Variants in HAUS5 observed in about 807,000 individuals in gnomAD.
HAUS5 encodes the protein HAUS augmin-like complex subunit 5.
In HAUS5, 67 loss-of-function variants were observed where a neutral mutation model predicts 94.1. The ratio of observed to expected loss-of-function variants is 0.71; its 90% CI spans 0.58 to 0.87. The LOEUF (loss-of-function observed/expected upper bound fraction) is 0.87, where lower values mean the gene tolerates loss of function less well. HAUS5 is among the 40% of genes least tolerant of loss of function. HAUS5 has a pLI of 0.00. For missense variants in HAUS5, 739 were observed against 825.6 expected (o/e 0.90, Z 1.29); for synonymous variants, 339 against 355.4 (o/e 0.95, Z 0.52).
At chr19:35,615,933 T>C (rs2146335902) in intron 6 of HAUS5, among the ~76,000 whole-genome samples, 1 of 151,350 alleles carries the variant, frequency 6.6e-6, no homozygotes, top group South Asian at 2.1e-4. Flanking sequence ...CCTGAGGAGG[T>C]GAGGTCGAAG....
chr19:35,621,181 G>C (rs576835396), intron 17 of HAUS5, among the ~76,000 whole-genome samples: 5 of 152,178 alleles, frequency 3.3e-5, no homozygotes, highest in Non-Finnish European at 7.4e-5. Context: ...TGGAGGAAGA[G>C]ACTGTTCAAG....
intron 12 of HAUS5, 82 bp downstream of exon 12, chr19:35,618,781 G>C: frequency 1.3e-6 from 2 of 1,525,326 alleles, no homozygotes. Flanking sequence ...AGCCTCTGTG[G>C]CTCCTATCTC....
rs1188574468 is a variant in HAUS5, at chr19:35,622,965, A to C, written c.1874A>C (p.Gln625Pro). The C allele has an allele frequency of 2.5e-6, 4 of 1,612,312 alleles. No individual in the cohort carries two copies. Among genetic ancestry groups the C allele is most frequent in the Non-Finnish European group, 3.4e-6 (4 of 1,179,082 alleles). ...TGGCGGCTGCGCTGGGTTCAGGCCC[A>C]GGGGGCCCTGCAGAAGCTGTGCAGC... Reference protein sequence around the residue: ...PQWRLRWVQAQGALQKLCS With the variant: ...PQWRLRWVQAPGALQKLCS Residue 625 changes from glutamine to proline, a missense_variant, in exon 19 of 19, where the codon CAG becomes CCG. Coordinates refer to ENST00000203166, the MANE Select transcript of HAUS5 (RefSeq NM_015302.2).
At chr19:35,616,527 T>G (rs1177196702) in intron 6 of HAUS5, among the ~76,000 whole-genome samples, 2 of 152,118 alleles carry the variant, frequency 1.3e-5, no homozygotes, top group African/African-American at 2.4e-5. Context: ...TGTTTTGTTT[T>G]GTTTTTTTGA....
chr19:35,613,658 C>CA, intron 1 of HAUS5, 72 bp from the exon 2 acceptor site: 1 of 1,396,336 alleles, frequency 7.2e-7, no homozygotes. Context: ...TCCCTACCAC[C>CA]ATCACCCTAG....
In HAUS5 at chr19:35,624,887, G is replaced by A. The variant is rs1228852014; in HGVS notation, c.*1894G>A. The A allele has an allele frequency of 6.6e-6, 1 of 152,094 alleles. No individual in the cohort carries two copies. Among genetic ancestry groups the A allele is most frequent in the Non-Finnish European group, 1.5e-5 (1 of 68,020 alleles). The allele number at this position is 152,094 out of a possible 1,614,324, so 9.4% of individuals were successfully genotyped here. A position where few individuals can be genotyped will look rare whatever the true frequency, so the allele number is the denominator to read the frequency against. On this transcript the variant is annotated 3_prime_UTR_variant, in exon 19 of 19. Coordinates refer to ENST00000203166, the MANE Select transcript of HAUS5 (RefSeq NM_015302.2). ...GGAAGTTTGGCAGCTTTATGATCTT[G>A]AACCTTGCTGTCCATCTCTCACACA... is the stretch of plus-strand genomic sequence containing the variant.
At chr19:35,618,856 T>C (rs759043155) in intron 12 of HAUS5, 31 bp from the exon 13 acceptor site, 4 of 1,570,718 alleles carry the variant, frequency 2.5e-6, no homozygotes. Context: ...GTCACCCTTC[T>C]CTCCTTTGCT....
At chr19:35,619,588 C>A in intron 14 of HAUS5, 25 bp from the exon 15 acceptor site, 1 of 1,516,928 alleles carries the variant, frequency 6.6e-7, no homozygotes, top group South Asian at 1.2e-5. Context: ...TGTGATGCCC[C>A]ACCCACCCCT....
chr19:35,614,590 A>C (rs764333118), intron 4 of HAUS5, among the ~76,000 whole-genome samples: 18 of 152,190 alleles, frequency 1.2e-4, no homozygotes, highest in Non-Finnish European at 2.5e-4. Flanking sequence ...TCTCAAAAAA[A>C]GAAAAAATAA....
At chr19:35,613,148 C>A (rs1246275646) in intron 1 of HAUS5, among the ~76,000 whole-genome samples, 2 of 152,178 alleles carry the variant, frequency 1.3e-5, no homozygotes, top group Non-Finnish European at 2.9e-5. Context: ...CGCAGCACCT[C>A]CCCTCCCTCC....
At chr19:35,616,092 G>A (rs990130464) in intron 6 of HAUS5, among the ~76,000 whole-genome samples, 3 of 152,182 alleles carry the variant, frequency 2.0e-5, no homozygotes, top group South Asian at 2.1e-4. Context: ...CGAGGCAGGC[G>A]GATTACTTGA....
In HAUS5 at chr19:35,622,644, G is replaced by C. The variant is rs1433145442; in HGVS notation, c.1695G>C (p.Glu565Asp). The change falls in exon 18 of 19, where the codon GAG (glutamate) becomes GAC (aspartate). Residue 565 changes from glutamate (E) to aspartate (D), a missense_variant. By Grantham distance (45) the Glu-to-Asp change is conservative. Transcript: ENST00000203166. ...IQASQEKQQK[E>D]NLGQALKRLE... ...CATCCCAGGAAAAACAGCAGAAAGA[G>C]AACCTGGGGCAGGCTCTGAAGAGGC... is the stretch of plus-strand genomic sequence containing the variant. The C allele has an allele frequency of 6.2e-7, 1 of 1,614,032 alleles. No homozygotes were observed. The highest frequency in any genetic ancestry group is 1.1e-5 in the South Asian group (1 of 91,072).
Position 35,612,853 on chromosome 19 carries a change from T to C in HAUS5, c.59T>C (p.Val20Ala). 1 of 1,547,166 alleles carries C rather than the reference T, an allele frequency of 6.5e-7. No individual in the cohort carries two copies. ...LGCWAVEEMG[V>A]PVAARAPEST... ...TGCTGGGCGGTCGAAGAGATGGGGG[T>C]GCCCGTGGCGGCCCGGGCCCCGGAA... Residue 20 changes from valine (V) to alanine (A), a missense_variant, in exon 1 of 19, where the codon GTG (valine) becomes GCG (alanine). By Grantham distance (64) the Val-to-Ala change is moderately conservative (BLOSUM62 0). Transcript: ENST00000203166.
chr19:35,621,204 G>A (rs1967204043), intron 17 of HAUS5, among the ~76,000 whole-genome samples: 1 of 152,162 alleles, frequency 6.6e-6, no homozygotes, highest in African/African-American at 2.4e-5. Context: ...TCTGAGTTTG[G>A]GGCTCCCTGC....
chr19:35,613,892 CCTA>C lies in HAUS5; in HGVS notation c.189_191del (p.Leu64del). 6.2e-7 allele frequency: 1 copy of C among 1,614,106 alleles called. No homozygotes were observed. The highest frequency in any genetic ancestry group is 1.1e-5 in the South Asian group (1 of 91,080). ...GGACTGTCAAGAAGATCCGGGGAAA[CCTA>C]CTCTGGTAACTGCTTCTTAAAGCTA... On this transcript the variant is annotated inframe_deletion, in exon 3 of 19. Coordinates refer to ENST00000203166, the MANE Select transcript of HAUS5 (RefSeq NM_015302.2).
rs768128729 is a variant in HAUS5, at chr19:35,617,873, C to T, written c.657C>T (p.His219=). 1 of 1,614,076 alleles carries T rather than the reference C, an allele frequency of 6.2e-7. No individual in the cohort carries two copies. The highest frequency in any genetic ancestry group is 8.5e-7 in the Non-Finnish European group (1 of 1,179,958). Residue 219 remains histidine (H), a synonymous_variant, in exon 9 of 19, where the codon CAC becomes CAT. Transcript: ENST00000203166. ...CCCACAGAACCCCTCATGATGACCA[C>T]TTTGGCACTTCGTACCAGCAGTGGC... The part of the protein sequence containing the change: ...RGSLPTPHDD[H]FGTSYQQWLS...
chr19:35,617,511 GTC>G (rs1341268254), intron 8 of HAUS5, 142 bp downstream of exon 8: 2 of 631,576 alleles, frequency 3.2e-6, no homozygotes, highest in Non-Finnish European at 5.5e-6. Flanking sequence ...GAAGGAGACA[GTC>G]TCTCATCACA....
intron 8 of HAUS5, among the ~76,000 whole-genome samples, chr19:35,617,585 C>A (rs2071955686): frequency 6.6e-6 from 1 of 152,074 alleles, no homozygotes; most frequent in Admixed American, 6.6e-5. Flanking sequence ...AGGCTCTGGG[C>A]ACCCAGAGGC....
rs2146344414 is a variant in HAUS5 at position 35,625,014 on chromosome 19, T to G, written c.*2021T>G. ...CCACATTGGCTTTCCCATGTAGTCC[T>G]TAGTGTGTCTGCTCCTCCTCTCTCT... is the stretch of plus-strand genomic sequence containing the variant. On this transcript the variant is annotated 3_prime_UTR_variant, in exon 19 of 19. Coordinates refer to ENST00000203166, the MANE Select transcript of HAUS5 (RefSeq NM_015302.2). 6.6e-6 allele frequency: 1 copy of G among 152,386 alleles called. No individual in the cohort carries two copies. Among genetic ancestry groups the G allele is most frequent in the South Asian group, 2.1e-4 (1 of 4,826 alleles). The allele number at this position is 152,386 out of a possible 1,614,324, so 9.4% of individuals were successfully genotyped here. A position where few individuals can be genotyped will look rare whatever the true frequency, so the allele number is the denominator to read the frequency against.
Sources: allele counts gnomAD v4.1 joint callset (sites outside exome capture counted in the v4.1 genomes callset), GRCh38; gene constraint gnomAD v4.1.1; transcripts MANE v1.5; gene names NCBI Gene and HGNC (gene_info 2026-07-23, HGNC 2026-07-21).